Variants in CNGB1 observed in about 807,000 individuals in gnomAD.
CNGB1 encodes the protein cyclic nucleotide gated channel subunit beta 1.
Under a neutral mutation model 151.7 loss-of-function variants are expected in CNGB1, and 126 were observed. The ratio of observed to expected loss-of-function variants is 0.83; its 90% confidence interval spans 0.72 to 0.96. CNGB1 has a LOEUF of 0.96. Among genes scored for constraint, CNGB1 ranks in the 40% least tolerant of loss-of-function variants. The probability of loss-of-function intolerance (pLI) is 0.00; values close to 1 mark genes in which losing one functional copy is unlikely to be tolerated. For synonymous variants in CNGB1, 623 were observed against 635.1 expected (o/e 0.98, Z 0.29); for missense variants, 1,698 against 1,627.0 (o/e 1.04, Z -0.75).
intron 14 of CNGB1, among the ~76,000 whole-genome samples, chr16:57,948,620 C>T (rs1043451577): frequency 1.2e-4 from 18 of 152,092 alleles, no homozygotes; most frequent in Non-Finnish European, 5.9e-5. Flanking sequence ...GGCATCTCCT[C>T]GAGCCCCACA....
chr16:57,884,696 T>A (rs1959863466), intron 32 of CNGB1, among the ~76,000 whole-genome samples: 1 of 152,072 alleles, frequency 6.6e-6, no homozygotes. Flanking sequence ...AGTCTTGGGA[T>A]GTCTTAGATC....
At chr16:57,917,628 A>C in intron 20 of CNGB1, 152 bp from the exon 21 acceptor site, 1 of 147,580 alleles carries the variant, frequency 6.8e-6, no homozygotes, top group Non-Finnish European at 1.2e-5. Context: ...GTGTATATAT[A>C]CACACACACA....
chr16:57,960,548 C>T lies in CNGB1; in HGVS notation c.535-18G>A, dbSNP rs200699915. The T allele has an allele frequency of 3.2e-5, 52 of 1,612,948 alleles. No homozygotes were observed. Among genetic ancestry groups the T allele is most frequent in the Middle Eastern group, 1.6e-4 (1 of 6,062 alleles). ...CTCCAGACCTGGGTGACAAACAGGGCGCAAGGTCATGGGCCATAGCAAGCT... is the reference window on the plus strand; with the variant it reads ...CTCCAGACCTGGGTGACAAACAGGGTGCAAGGTCATGGGCCATAGCAAGCT... On this transcript the variant is annotated intron_variant, in intron 8 of 32. Transcript: ENST00000251102.
rs1329495246 is a variant in CNGB1, at chr16:57,903,979, C to T, written c.2637G>A (p.Met879Ile). ...CGGTGGCGGCCCCTACCACATCTCTCATCTGGGGGAAGGGTTATGGGAGGT... is the reference window on the plus strand; with the variant it reads ...CGGTGGCGGCCCCTACCACATCTCTTATCTGGGGGAAGGGTTATGGGAGGT... The part of the protein sequence containing the change: ...VFAFSVMIGQ[M>I]RDVVGAATAG... Residue 879 changes from methionine to isoleucine, a missense_variant and splice_region_variant, in exon 27 of 33, where the codon ATG becomes ATA. Met to Ile is a conservative substitution (Grantham distance 10). Transcript: ENST00000251102. 6.2e-7 allele frequency: 1 copy of T among 1,613,532 alleles called. No individual in the cohort carries two copies.
intron 14 of CNGB1, among the ~76,000 whole-genome samples, chr16:57,946,922 C>T (rs1052286259): frequency 2.6e-5 from 4 of 152,342 alleles, no homozygotes; most frequent in East Asian, 1.9e-4. Flanking sequence ...CAGCATCTGC[C>T]GGTAACTCTG....
intron 12 of CNGB1, among the ~76,000 whole-genome samples, chr16:57,954,516 C>T (rs1597008414): frequency 1.3e-5 from 2 of 152,134 alleles, no homozygotes; most frequent in Admixed American, 1.3e-4. Context: ...CACATGTGGG[C>T]CAGCTGGGAG....
intron 29 of CNGB1, among the ~76,000 whole-genome samples, chr16:57,900,156 G>A (rs1164392007): frequency 1.3e-5 from 2 of 152,174 alleles, no homozygotes; most frequent in African/African-American, 2.4e-5. Context: ...ACTCAGAGAG[G>A]GCAAGCCACT....
At chr16:57,891,703 C>T (rs1384398500) in intron 31 of CNGB1, among the ~76,000 whole-genome samples, 1 of 151,894 alleles carries the variant, frequency 6.6e-6, no homozygotes, top group Non-Finnish European at 1.5e-5. Context: ...ATGATAGGTG[C>T]CCATGACCAC....
intron 7 of CNGB1, 136 bp downstream of exon 7, chr16:57,962,429 A>T: frequency 1.2e-6 from 1 of 812,400 alleles, no homozygotes; most frequent in South Asian, 1.4e-5. Flanking sequence ...TATGGCTGGA[A>T]ACAGGCCCAG....
intron 16 of CNGB1, among the ~76,000 whole-genome samples, chr16:57,936,184 T>A (rs1175602291): frequency 6.6e-6 from 1 of 152,126 alleles, no homozygotes; most frequent in Non-Finnish European, 1.5e-5. Flanking sequence ...CTTGTCACAA[T>A]CAATGGATCC....
chr16:57,932,400 CT>C (rs36048770), intron 16 of CNGB1, among the ~76,000 whole-genome samples: 1,948 of 124,444 alleles, frequency 0.016, 17 homozygotes, highest in East Asian at 0.074. Context: ...CTTAAAGATT[CT>C]TTTTTTTTTT....
chr16:57,906,485 G>C (rs2149359865), intron 25 of CNGB1, among the ~76,000 whole-genome samples: 1 of 152,368 alleles, frequency 6.6e-6, no homozygotes, highest in African/African-American at 2.4e-5. Flanking sequence ...TTGCTGGGGA[G>C]TGTGGTAGGG....
At chr16:57,965,343 GCATA>G (rs1430485928) in intron 2 of CNGB1, among the ~76,000 whole-genome samples, 3 of 152,070 alleles carry the variant, frequency 2.0e-5, no homozygotes, top group African/African-American at 4.8e-5. Context: ...ACATATATGT[GCATA>G]CAGTCATATG....
chr16:57,897,599 T>G, intron 30 of CNGB1, 56 bp from the exon 31 acceptor site: 2 of 1,611,472 alleles, frequency 1.2e-6, no homozygotes, highest in Non-Finnish European at 1.7e-6. Flanking sequence ...TCGGTCACAT[T>G]CAGATCTTCA....
chr16:57,931,388 C>G (rs1425731962), intron 17 of CNGB1, among the ~76,000 whole-genome samples: 1 of 152,110 alleles, frequency 6.6e-6, no homozygotes, highest in Non-Finnish European at 1.5e-5. Flanking sequence ...CTCCTGGCCT[C>G]AAACGATCCA....
chr16:57,903,830 C>A lies in CNGB1; in HGVS notation c.2786G>T (p.Gly929Val), dbSNP rs1244599324. The change falls in exon 27 of 33, where the codon GGC becomes GTC. Residue 929 changes from glycine (G) to valine (V), a missense_variant. Gly to Val is a moderately radical substitution (Grantham distance 109). Transcript: ENST00000251102. The stretch of plus-strand genomic sequence containing the variant: ...GGGCGTGACCATCTTACCCAGCATG[C>A]CTTGCGAGTGCCAGGTGTACTCGTA... ...TWYEYTWHSQ[G>V]MLDESELMVQ... 3.1e-6 allele frequency: 5 copies of A among 1,613,968 alleles called. No individual in the cohort carries two copies. Among genetic ancestry groups the A allele is most frequent in the East Asian group, 2.2e-5 (1 of 44,882 alleles).
chr16:57,911,483 T>C (rs1960708220), intron 25 of CNGB1, among the ~76,000 whole-genome samples: 1 of 152,124 alleles, frequency 6.6e-6, no homozygotes, highest in African/African-American at 2.4e-5. Flanking sequence ...GAGATGGGGT[T>C]TTACCATGTT....
At chr16:57,956,448 A>G (rs1216640841) in intron 12 of CNGB1, among the ~76,000 whole-genome samples, 1 of 152,084 alleles carries the variant, frequency 6.6e-6, no homozygotes, top group Non-Finnish European at 1.5e-5. Context: ...CCTGAGCTCC[A>G]CAGTCCACTG....
chr16:57,938,912 A>G (rs1961583950), intron 16 of CNGB1, among the ~76,000 whole-genome samples: 1 of 152,190 alleles, frequency 6.6e-6, no homozygotes, highest in African/African-American at 2.4e-5. Context: ...TGTGCTGGGT[A>G]CAGCTGGAGA....
Sources: allele counts gnomAD v4.1 joint callset (sites outside exome capture counted in the v4.1 genomes callset), GRCh38; gene constraint gnomAD v4.1.1; transcripts MANE v1.5; gene names NCBI Gene and HGNC (gene_info 2026-07-23, HGNC 2026-07-21).